Variants in RAD54L2 observed in about 807,000 individuals in gnomAD.
The protein encoded by RAD54L2 is RAD54 like 2, also known as helicase ARIP4.
Under a neutral mutation model 138.4 loss-of-function variants are expected in RAD54L2, and 27 were observed. The observed-to-expected ratio is 0.20, with a 90% CI of 0.14 to 0.27. The LOEUF is 0.27. Ranked by LOEUF, RAD54L2 falls within the 10% of genes least tolerant of loss-of-function variation. The probability of loss-of-function intolerance (pLI) is 1.00; values close to 1 mark genes in which losing one functional copy is unlikely to be tolerated. For synonymous variants in RAD54L2, 644 were observed against 723.2 expected, an observed-to-expected ratio of 0.89 and a Z score of 1.76; for missense variants, 1,396 against 1,890.2, an observed-to-expected ratio of 0.74 and a Z score of 4.85.
intron 2 of RAD54L2, among the ~76,000 whole-genome samples, chr3:51,570,381 A>G (rs906583800): frequency 6.6e-6 from 1 of 151,132 alleles, no homozygotes; most frequent in African/African-American, 2.4e-5. Context: ...TGACCTCTGG[A>G]TCCACCTGCC....
At chr3:51,599,394 A>G (rs1327334188) in intron 3 of RAD54L2, among the ~76,000 whole-genome samples, 1 of 152,132 alleles carries the variant, frequency 6.6e-6, no homozygotes, top group Non-Finnish European at 1.5e-5. Flanking sequence ...TTAGGGGCAG[A>G]GAGAGGAGAG....
At chr3:51,568,010 G>C (rs1699255211) in intron 2 of RAD54L2, among the ~76,000 whole-genome samples, 1 of 151,528 alleles carries the variant, frequency 6.6e-6, no homozygotes, top group African/African-American at 2.4e-5. Context: ...AAGTTATGCT[G>C]ACACGTAACT....
At chr3:51,586,835 C>T (rs1699720916) in intron 2 of RAD54L2, among the ~76,000 whole-genome samples, 1 of 152,194 alleles carries the variant, frequency 6.6e-6, no homozygotes, top group Middle Eastern at 3.4e-3. Flanking sequence ...TCCCAAAGTG[C>T]TGGGATTACA....
chr3:51,658,889 G>A (rs775798673), intron 21 of RAD54L2, among the ~76,000 whole-genome samples: 2 of 151,852 alleles, frequency 1.3e-5, no homozygotes, highest in Non-Finnish European at 2.9e-5. Context: ...AGATAAGAAT[G>A]GGTTTAACAT....
In RAD54L2 at chr3:51,660,325, T is replaced by C. The variant is rs368542067; in HGVS notation, c.3409+207T>C. Among the ~76,000 whole-genome samples, 77 of 152,246 alleles carry C rather than the reference T, an allele frequency of 5.1e-4. 1 individual carries two copies. The South Asian group carries it at 0.016, about 32-fold the overall frequency. On this transcript the variant is annotated intron_variant, in intron 22 of 22. Transcript: ENST00000684192. ...TTTGTTTGTTTGGTTTATTTTTTGT[T>C]TGAGACAGGGTCTCGCTCTGTCGCC... is the stretch of plus-strand genomic sequence containing the variant.
chr3:51,662,797 C>T lies in RAD54L2; in HGVS notation c.3781C>T (p.Pro1261Ser). Residue 1261 changes from proline to serine, a missense_variant, in exon 23 of 23, where the codon CCA becomes TCA. Coordinates refer to ENST00000684192, the MANE Select transcript of RAD54L2 (RefSeq NM_015106.4). This position sits in a 1 kb window ranked among gnomAD's most constrained non-coding sequence, Gnocchi z 4.6. ...GGGCCACAAGCGAAAGTTGGCCACA[C>T]CACCTGCTGCCCAGGAGTCATCCCG... ...LRGHKRKLAT[P>S]PAAQESSRRR... 2 of 1,610,666 alleles carry T rather than the reference C, an allele frequency of 1.2e-6. No homozygotes were observed. Among genetic ancestry groups the T allele is most frequent in the Non-Finnish European group, 1.7e-6 (2 of 1,178,492 alleles).
At position 51,630,212 on chromosome 3, in the gene RAD54L2, G is replaced by A. The variant is rs112734543; in HGVS notation, c.482-60G>A. 68 of 1,355,892 alleles carry A rather than the reference G, an allele frequency of 5.0e-5. 2 individuals carry two copies. The highest frequency in any genetic ancestry group is 5.0e-4 in the African/African-American group (35 of 69,810). The allele number at this position is 1,355,892 out of a possible 1,614,324, so 84.0% of individuals were successfully genotyped here. A position where few individuals can be genotyped will look rare whatever the true frequency, so the allele number is the denominator to read the frequency against. ...GAAAAGGGGTGGTGAATTGTTTTGG[G>A]AAATATGTTAGAGCCAAATGTGGTC... On this transcript the variant is annotated intron_variant, in intron 5 of 22. Coordinates refer to ENST00000684192, the MANE Select transcript of RAD54L2 (RefSeq NM_015106.4).
intron 12 of RAD54L2, 87 bp from the exon 13 acceptor site, chr3:51,639,332 T>C: frequency 6.8e-7 from 1 of 1,480,302 alleles, no homozygotes; most frequent in Non-Finnish European, 9.2e-7. Flanking sequence ...ACGTGTGTGT[T>C]TGAGCAAGTA....
At chr3:51,581,378 G>C (rs896535059) in intron 2 of RAD54L2, among the ~76,000 whole-genome samples, 1 of 152,152 alleles carries the variant, frequency 6.6e-6, no homozygotes, top group African/African-American at 2.4e-5. Flanking sequence ...GATTACAGGC[G>C]TGAGGCACTG....
rs188265491 is a variant in RAD54L2 at position 51,599,707 on chromosome 3, G to A, written c.139+9148G>A. ...AGCTGAGATTGCTGAGATTGTAGGT[G>A]TACCCCACCACACCCAGCTAATTTT... On this transcript the variant is annotated intron_variant, in intron 3 of 22. Coordinates refer to ENST00000684192, the MANE Select transcript of RAD54L2 (RefSeq NM_015106.4). Among the ~76,000 whole-genome samples, 138 of 143,408 alleles carry A rather than the reference G, an allele frequency of 9.6e-4. 1 individual carries two copies. Among genetic ancestry groups the A allele is most frequent in the Admixed American group, 3.9e-3 (54 of 13,974 alleles). The allele number at this position is 143,408 out of a possible 152,430, so 94.1% of individuals were successfully genotyped here.
Position 51,633,700 on chromosome 3 carries a change from T to A in RAD54L2, c.949T>A (p.Ser317Thr), listed in dbSNP as rs759898724. ...TCTGGGGAAAACTTTGCAAGTGATC[T>A]CTTTCATCGACGTCCTCTTCCGCCA... Reference protein sequence around the residue: ...MGLGKTLQVISFIDVLFRHTP... With the variant: ...MGLGKTLQVITFIDVLFRHTP... Residue 317 changes from serine (S) to threonine (T), a missense_variant, in exon 8 of 23, where the codon TCT becomes ACT. Physicochemically the swap from Ser to Thr is moderately conservative, Grantham distance 58 (BLOSUM62 1). Around this residue, in one of 7 missense-constraint regions of RAD54L2, gnomAD observed 169 missense variants for 235.6 expected, o/e 0.72. Coordinates refer to ENST00000684192, the MANE Select transcript of RAD54L2 (RefSeq NM_015106.4). 1 of 1,614,008 alleles carries A rather than the reference T, an allele frequency of 6.2e-7. No homozygotes were observed. Among genetic ancestry groups the A allele is most frequent in the Non-Finnish European group, 8.5e-7 (1 of 1,179,884 alleles).
rs1180831690 is a variant in RAD54L2, at chr3:51,630,935, C to T, written c.825+4C>T. ...ACGGGCTGTGAAACCTCATCAGGTA[C>T]AGCAAACCTTGACTGTTTTCTCCTT... On this transcript the variant is annotated splice_donor_region_variant and intron_variant, in intron 7 of 22. Coordinates refer to ENST00000684192, the MANE Select transcript of RAD54L2 (RefSeq NM_015106.4). 3.7e-6 allele frequency: 6 copies of T among 1,601,756 alleles called. No individual in the cohort carries two copies. The highest frequency in any genetic ancestry group is 5.1e-6 in the Non-Finnish European group (6 of 1,169,894).
intron 15 of RAD54L2, among the ~76,000 whole-genome samples, chr3:51,642,396 T>TACAGTACGTAA (rs985751263): frequency 4.6e-5 from 7 of 150,724 alleles, no homozygotes; most frequent in Non-Finnish European, 1.0e-4. Context: ...GTCAAGTACA[T>TACAGTACGTAA]ACAGTACGTA....
intron 3 of RAD54L2, among the ~76,000 whole-genome samples, chr3:51,592,254 G>A (rs1356261757): frequency 6.6e-6 from 1 of 151,508 alleles, no homozygotes; most frequent in Non-Finnish European, 1.5e-5. Flanking sequence ...GTAGAGACGG[G>A]ATTTCTCTAT....
At chr3:51,539,270 G>A (rs1361393934) in intron 1 of RAD54L2, among the ~76,000 whole-genome samples, 3 of 152,188 alleles carry the variant, frequency 2.0e-5, no homozygotes, top group African/African-American at 7.2e-5. Flanking sequence ...GTGGGGTTGG[G>A]AAAGTATTTG....
chr3:51,582,140 C>G (rs1210778610), intron 2 of RAD54L2, among the ~76,000 whole-genome samples: 2 of 151,998 alleles, frequency 1.3e-5, no homozygotes, highest in Admixed American at 1.3e-4. Context: ...CTCCTGGGCT[C>G]AAGCAATCCT....
At chr3:51,648,181 G>T (rs774292275) in intron 19 of RAD54L2, among the ~76,000 whole-genome samples, 2 of 152,214 alleles carry the variant, frequency 1.3e-5, no homozygotes, top group Non-Finnish European at 2.9e-5. Context: ...CACCCACGGA[G>T]CCTTGCTCAC....
At chr3:51,599,014 T>G (rs1700028410) in intron 3 of RAD54L2, among the ~76,000 whole-genome samples, 1 of 152,150 alleles carries the variant, frequency 6.6e-6, no homozygotes, top group South Asian at 2.1e-4. Context: ...GCCTATCAAC[T>G]GGTGTGCGTC....
intron 2 of RAD54L2, among the ~76,000 whole-genome samples, chr3:51,568,796 T>TG (rs1699272027): frequency 1.3e-5 from 2 of 152,186 alleles, no homozygotes; most frequent in Admixed American, 6.5e-5. Flanking sequence ...AATTTCCTGG[T>TG]GGGGAATGTA....
Sources: gnomAD v4.1 joint callset for allele counts (sites outside exome capture counted in the v4.1 genomes callset) on GRCh38, gnomAD v4.1.1 for gene constraint, gnomAD v4.1.1 regional missense constraint, Gnocchi (gnomAD v3.1) non-coding constraint, MANE v1.5 for transcripts, NCBI Gene and HGNC (gene_info 2026-07-23, HGNC 2026-07-21) for gene names.